MINK1: variants seen among roughly 807,000 people sequenced by gnomAD.
The protein encoded by MINK1 is misshapen-like kinase 1.
In MINK1, 46 loss-of-function variants were observed where a neutral mutation model predicts 178.4. The ratio of observed to expected loss-of-function variants is 0.26; its 90% confidence interval spans 0.20 to 0.33. The LOEUF (loss-of-function observed/expected upper bound fraction) is 0.33. Ranked by LOEUF, MINK1 falls within the 10% of genes least tolerant of loss-of-function variation. The pLI is 1.00. For missense variants in MINK1, 1,366 were observed against 1,814.9 expected (o/e 0.75, Z 4.49); for synonymous variants, 797 against 709.7 (o/e 1.12, Z -1.96).
In MINK1 at chr17:4,891,676, C is replaced by A; in HGVS notation, c.1961C>A (p.Pro654His). The A allele has an allele frequency of 6.2e-7, 1 of 1,602,092 alleles. No individual in the cohort carries two copies. The highest frequency in any genetic ancestry group is 1.1e-5 in the South Asian group (1 of 89,070). ...TSEGPGPSPN[P>H]PAWVRPDNEA... is the part of the protein sequence containing the mutation. ...GAAGGACCTGGCCCCAGCCCGAATC[C>A]CCCAGCCTGGGTCCGCCCAGATAAC... Residue 654 changes from proline (P) to histidine (H), a missense_variant, in exon 16 of 32, where the codon CCC becomes CAC. By Grantham distance (77) the Pro-to-His change is moderately conservative (BLOSUM62 -2). Around this residue, in one of 14 missense-constraint regions of MINK1, gnomAD observed 709 missense variants for 692.3 expected, o/e 1.02. Transcript: ENST00000355280.
chr17:4,897,082 C>T (rs925712745), intron 31 of MINK1, 122 bp from the exon 32 acceptor site: 13 of 927,566 alleles, frequency 1.4e-5, no homozygotes, highest in East Asian at 5.3e-5. Flanking sequence ...TGTGAGTCTC[C>T]TCCTGCAGTC....
chr17:4,881,881 G>A (rs1327932792), intron 4 of MINK1, among the ~76,000 whole-genome samples: 1 of 152,280 alleles, frequency 6.6e-6, no homozygotes, highest in African/African-American at 2.4e-5. Flanking sequence ...ACTGAGCCCA[G>A]TCCCTGAGGA....
At chr17:4,842,677 A>C (rs2150754859) in intron 1 of MINK1, among the ~76,000 whole-genome samples, 1 of 152,344 alleles carries the variant, frequency 6.6e-6, no homozygotes, top group Non-Finnish European at 1.5e-5. Flanking sequence ...CTTTAGTTCT[A>C]AGTGACTCAG....
At chr17:4,891,305 G>C (rs1968788847) in intron 15 of MINK1, 151 bp from the exon 16 acceptor site, 2 of 1,241,162 alleles carry the variant, frequency 1.6e-6, no homozygotes, top group Admixed American at 2.9e-5. Context: ...GCCTGTGTCT[G>C]TCCTGACTTA....
At chr17:4,867,676 A>C (rs1051789341) in intron 1 of MINK1, among the ~76,000 whole-genome samples, 1 of 151,920 alleles carries the variant, frequency 6.6e-6, no homozygotes, top group African/African-American at 2.4e-5. Flanking sequence ...GGTCACAGCT[A>C]CTTGGGAGGC....
chr17:4,896,276 C>T lies in MINK1; in HGVS notation c.3549C>T (p.Ser1183=), dbSNP rs370504707. 49 of 1,607,420 alleles carry T rather than the reference C, an allele frequency of 3.0e-5. No homozygotes were observed. The highest frequency in any genetic ancestry group is 1.3e-4 in the African/African-American group (10 of 74,834). ...AGCGGCTCAAGGTCATCTATGGCTC[C>T]AGTGCTGGCTTCCATGCTGTGGATG... ...EGQRLKVIYG[S]SAGFHAVDVD... is the part of the protein sequence containing the mutation. The change falls in exon 29 of 32, where the codon TCC becomes TCT. Residue 1183 remains serine, a synonymous_variant. Coordinates refer to ENST00000355280, the MANE Select transcript of MINK1 (RefSeq NM_153827.5). The surrounding 1 kb of genome is among the most constrained non-coding windows in gnomAD (Gnocchi z 4.6).
At chr17:4,848,916 C>T (rs1439300873) in intron 1 of MINK1, among the ~76,000 whole-genome samples, 3 of 152,198 alleles carry the variant, frequency 2.0e-5, no homozygotes, top group African/African-American at 4.8e-5. Flanking sequence ...GCTCATTAGA[C>T]AGGTGGTAGC....
At chr17:4,860,409 C>T (rs1292109585) in intron 1 of MINK1, among the ~76,000 whole-genome samples, 1 of 152,170 alleles carries the variant, frequency 6.6e-6, no homozygotes, top group South Asian at 2.1e-4. Context: ...AGTTTCAGTT[C>T]GTGTCCCAGC....
chr17:4,847,250 A>C (rs1198796844), intron 1 of MINK1: 3 of 458,182 alleles, frequency 6.5e-6, no homozygotes, highest in Non-Finnish European at 1.3e-5. Context: ...TCATTCATTC[A>C]TTCATTCATT....
At chr17:4,875,437 C>T (rs1205247591) in intron 1 of MINK1, 5 of 451,938 alleles carry the variant, frequency 1.1e-5, no homozygotes, top group East Asian at 7.0e-5. Context: ...ATCATGCCAC[C>T]GCACTCCCAC....
intron 2 of MINK1, 73 bp from the exon 3 acceptor site, chr17:4,880,911 C>T: frequency 7.3e-7 from 1 of 1,377,592 alleles, no homozygotes; most frequent in Non-Finnish European, 9.5e-7. Context: ...AAAAAAAAAG[C>T]TGTGTCTCCT....
intron 1 of MINK1, among the ~76,000 whole-genome samples, chr17:4,877,252 G>A (rs1265006660): frequency 2.0e-5 from 3 of 152,166 alleles, no homozygotes; most frequent in Non-Finnish European, 2.9e-5. Flanking sequence ...CCGCAGCTGT[G>A]TTGCTGAGGC....
At chr17:4,849,938 T>A (rs1358894799) in intron 1 of MINK1, among the ~76,000 whole-genome samples, 2 of 152,092 alleles carry the variant, frequency 1.3e-5, no homozygotes, top group Middle Eastern at 3.2e-3. Flanking sequence ...TTGACCTCCC[T>A]TTAATCTTTC....
Position 4,896,456 on chromosome 17 carries a change from A to G in MINK1, c.3643A>G (p.Ile1215Val). The change falls in exon 30 of 32, where the codon ATC becomes GTC. Residue 1215 changes from isoleucine to valine, a missense_variant. Ile to Val is a conservative substitution (Grantham distance 29). Around this residue, in one of 14 missense-constraint regions of MINK1, gnomAD observed 201 missense variants for 240.7 expected, o/e 0.84. Coordinates refer to ENST00000355280, the MANE Select transcript of MINK1 (RefSeq NM_153827.5). The surrounding 1 kb of genome is among the most constrained non-coding windows in gnomAD (Gnocchi z 4.6). ...HIQSQITPHA[I>V]IFLPNTDGME... The stretch of plus-strand genomic sequence containing the variant: ...CCAGAGCCAGATCACGCCCCATGCC[A>G]TCATCTTCCTCCCCAACACCGACGG... 2 of 1,613,862 alleles carry G rather than the reference A, an allele frequency of 1.2e-6. No individual in the cohort carries two copies. Among genetic ancestry groups the G allele is most frequent in the South Asian group, 2.2e-5 (2 of 91,068 alleles).
chr17:4,895,100 G>T lies in MINK1; in HGVS notation c.2943G>T (p.Arg981=). The change falls in exon 25 of 32, where the codon CGG becomes CGT. Residue 981 remains arginine (R), a synonymous_variant. Transcript: ENST00000355280. The surrounding 1 kb of genome is among the most constrained non-coding windows in gnomAD (Gnocchi z 4.3). ...CCCTAGTGGGTGGAGAGGGCACTCG[G>T]CTCGACCAGCTGCAGTACGACGTGA... The part of the protein sequence containing the change: ...ITALVGGEGT[R]LDQLQYDVRK... 1 of 1,613,612 alleles carries T rather than the reference G, an allele frequency of 6.2e-7. No individual in the cohort carries two copies. The highest frequency in any genetic ancestry group is 8.5e-7 in the Non-Finnish European group (1 of 1,180,002).
At chr17:4,844,478 T>A in intron 1 of MINK1, 1 of 459,918 alleles carries the variant, frequency 2.2e-6, no homozygotes, top group Non-Finnish European at 4.4e-6. Context: ...GTTACTGCCC[T>A]CCAGGAGCAC....
intron 1 of MINK1, among the ~76,000 whole-genome samples, chr17:4,870,577 C>A (rs1915736423): frequency 6.6e-6 from 1 of 151,988 alleles, no homozygotes; most frequent in Non-Finnish European, 1.5e-5. Context: ...GTAATGCCAG[C>A]ACTTTGGGAG....
chr17:4,859,379 A>G (rs944400756), intron 1 of MINK1: 9 of 860,048 alleles, frequency 1.0e-5, no homozygotes, highest in Non-Finnish European at 1.3e-5. Context: ...TTTCCTCACA[A>G]TCTTACTCTT....
chr17:4,860,697 A>C (rs542409933), intron 1 of MINK1: 2 of 519,648 alleles, frequency 3.8e-6, no homozygotes, highest in African/African-American at 1.9e-5. Flanking sequence ...GGCTGAGCAG[A>C]GCAAAGAAGC....
Sources: allele counts gnomAD v4.1 joint callset (sites outside exome capture counted in the v4.1 genomes callset), GRCh38; gene constraint gnomAD v4.1.1; regional missense constraint gnomAD v4.1.1; non-coding constraint Gnocchi (gnomAD v3.1); transcripts MANE v1.5; gene names NCBI Gene and HGNC (gene_info 2026-07-23, HGNC 2026-07-21).